Variants in AMPD1 observed in about 807,000 individuals in gnomAD.
AMPD1 encodes the protein AMP deaminase 1.
In AMPD1, 74 loss-of-function variants were observed where a neutral mutation model predicts 82.9. The ratio of observed to expected loss-of-function variants is 0.89; its 90% CI spans 0.74 to 1.08. The LOEUF (loss-of-function observed/expected upper bound fraction) is 1.08, where lower values mean the gene tolerates loss of function less well. Ranked by LOEUF, AMPD1 falls within the 50% of genes least tolerant of loss-of-function variation. AMPD1 has a pLI of 0.00. For missense variants in AMPD1, 881 were observed against 924.5 expected (o/e 0.95, Z 0.61); for synonymous variants, 333 against 320.5 (o/e 1.04, Z -0.42).
chr1:114,674,087 A>C lies in AMPD1; in HGVS notation c.1801-5T>G, dbSNP rs1213180493. 4 of 1,612,480 alleles carry C rather than the reference A, an allele frequency of 2.5e-6. No individual in the cohort carries two copies. In the Admixed American group the frequency reaches 5.0e-5, roughly 20 times the overall value. On this transcript the variant is annotated splice_region_variant and splice_polypyrimidine_tract_variant and intron_variant, in intron 13 of 15. Transcript: ENST00000520113. ...CAAGTACTGTAGCACGGGACTCTGA[A>C]AAAGAAAAGTAAAAAAATATTTAAA...
At chr1:114,673,795 T>C (rs780340801) in intron 14 of AMPD1, 46 bp from the exon 15 acceptor site, 1 of 1,574,274 alleles carries the variant, frequency 6.4e-7, no homozygotes, top group Non-Finnish European at 8.7e-7. Context: ...AATTAATAAA[T>C]AATATGCATC....
intron 9 of AMPD1, 83 bp downstream of exon 9, chr1:114,677,827 T>A: frequency 1.7e-6 from 2 of 1,175,226 alleles, no homozygotes; most frequent in Non-Finnish European, 2.3e-6. Flanking sequence ...CCTTCCTTCC[T>A]TCCTTCCTTC....
chr1:114,692,926 A>G (rs1297919896), intron 2 of AMPD1, among the ~76,000 whole-genome samples: 1 of 151,560 alleles, frequency 6.6e-6, no homozygotes, highest in Non-Finnish European at 1.5e-5. Context: ...TGAGGTCAGG[A>G]GTTCGAGACC....
intron 12 of AMPD1, 110 bp downstream of exon 12, chr1:114,675,420 A>G (rs1253741600): frequency 4.9e-6 from 6 of 1,230,996 alleles, no homozygotes; most frequent in East Asian, 2.3e-5. Context: ...ATTTGGGCCA[A>G]TTGGAACCAT....
chr1:114,683,097 A>G (rs1240877334), intron 5 of AMPD1: 2 of 430,958 alleles, frequency 4.6e-6, no homozygotes, highest in Admixed American at 5.5e-5. Flanking sequence ...TTAAAATCTG[A>G]TTGTTGAAAA....
chr1:114,691,375 TAGTG>T (rs920930301), intron 2 of AMPD1, among the ~76,000 whole-genome samples: 6 of 150,582 alleles, frequency 4.0e-5, no homozygotes, highest in African/African-American at 1.5e-4. Context: ...CTGGGCAACA[TAGTG>T]AGAACCTCAC....
chr1:114,683,343 T>C (rs555563214), intron 5 of AMPD1, among the ~76,000 whole-genome samples: 2 of 152,194 alleles, frequency 1.3e-5, no homozygotes, highest in Admixed American at 1.3e-4. Flanking sequence ...CAGGAAGGTG[T>C]TGAACTATGT....
At chr1:114,680,141 T>C in intron 6 of AMPD1, 118 bp downstream of exon 6, 1 of 942,718 alleles carries the variant, frequency 1.1e-6, no homozygotes, top group Non-Finnish European at 1.7e-6. Context: ...TAATACAGTG[T>C]TTGAACATAG....
intron 8 of AMPD1, 72 bp downstream of exon 8, chr1:114,678,261 G>A: frequency 1.3e-6 from 2 of 1,560,110 alleles, no homozygotes; most frequent in Middle Eastern, 1.8e-4. Flanking sequence ...TCTGAGAAGG[G>A]AGGGCTTGTA....
intron 2 of AMPD1, among the ~76,000 whole-genome samples, chr1:114,691,850 G>A (rs1570855704): frequency 1.3e-5 from 2 of 151,786 alleles, no homozygotes; most frequent in African/African-American, 2.4e-5. Context: ...GCTTGAACTC[G>A]GGAGGTGGAG....
intron 4 of AMPD1, among the ~76,000 whole-genome samples, chr1:114,685,780 A>G (rs145129040): frequency 1.3e-5 from 2 of 152,112 alleles, no homozygotes; most frequent in African/African-American, 4.8e-5. Context: ...ACTCATCTCT[A>G]TTAGGCATTT....
chr1:114,680,389 C>T lies in AMPD1; in HGVS notation c.637G>A (p.Gly213Ser), dbSNP rs373262677. The change falls in exon 6 of 16, where the codon GGT becomes AGT. Residue 213 changes from glycine to serine, a missense_variant. Around this residue, in one of 2 missense-constraint regions of AMPD1, gnomAD observed 783 missense variants for 786.4 expected, o/e 1.00. Transcript: ENST00000520113. Reference protein sequence around the residue: ...NLGYHLKMKDGVVYVYPNEAA... With the variant: ...NLGYHLKMKDSVVYVYPNEAA... ...TCATTAGGATAGACGTAAACTACAC[C>T]GTCCTTCATTTTGAGGTGATAGCCC... 7.2e-5 allele frequency: 117 copies of T among 1,614,138 alleles called. No homozygotes were observed. Among genetic ancestry groups the T allele is most frequent in the Admixed American group, 7.0e-4 (42 of 60,020 alleles).
At chr1:114,686,643 C>G in intron 4 of AMPD1, 102 bp downstream of exon 4, 3 of 1,249,518 alleles carry the variant, frequency 2.4e-6, no homozygotes, top group Non-Finnish European at 3.5e-6. Flanking sequence ...GACAGGTGAG[C>G]TAATACCTCC....
Position 114,692,651 on chromosome 1 carries a change from G to A in AMPD1, c.34+785C>T, listed in dbSNP as rs558984896. Among the ~76,000 whole-genome samples, 4 of 152,052 alleles carry A rather than the reference G, an allele frequency of 2.6e-5. No homozygotes were observed. In the East Asian group the frequency reaches 5.8e-4, roughly 22 times the overall value. On this transcript the variant is annotated intron_variant, in intron 2 of 15. Coordinates refer to ENST00000520113, the MANE Select transcript of AMPD1 (RefSeq NM_000036.3). Reference sequence around the variant, plus strand: ...TGAGCTATCGCACCACTGCACTCCAGCCTGGGCAACACAGCAAGACTCCAT... The same window carrying A: ...TGAGCTATCGCACCACTGCACTCCAACCTGGGCAACACAGCAAGACTCCAT...
At chr1:114,681,648 C>T (rs924885223) in intron 5 of AMPD1, among the ~76,000 whole-genome samples, 1 of 151,654 alleles carries the variant, frequency 6.6e-6, no homozygotes, top group African/African-American at 2.4e-5. Flanking sequence ...CCCCACAGCC[C>T]GTTACCCACA....
chr1:114,681,809 TG>T (rs1352341884), intron 5 of AMPD1, among the ~76,000 whole-genome samples: 1 of 152,172 alleles, frequency 6.6e-6, no homozygotes, highest in African/African-American at 2.4e-5. Context: ...AAATGTATAA[TG>T]ACATGTATCC....
At chr1:114,678,835 C>G (rs1158407119) in intron 7 of AMPD1, among the ~76,000 whole-genome samples, 1 of 152,210 alleles carries the variant, frequency 6.6e-6, no homozygotes, top group African/African-American at 2.4e-5. Context: ...TCCTAAAACA[C>G]AGCTGGAAGT....
Position 114,678,023 on chromosome 1 carries a change from G to T in AMPD1, c.1111C>A (p.Arg371Ser), listed in dbSNP as rs143303551. ...TATTTGTCATTGAACTTATCAAAAC[G>T]CTGGAAGGTCTGGCGTCCCTGAATC... The part of the protein sequence containing the change: ...DVHAGRQTFQ[R>S]FDKFNDKYNP... The change falls in exon 9 of 16, where the codon CGT becomes AGT. Residue 371 changes from arginine to serine, a missense_variant. Transcript: ENST00000520113. 5.1e-5 allele frequency: 83 copies of T among 1,613,902 alleles called. 1 individual carries two copies. The highest frequency in any genetic ancestry group is 4.0e-4 in the East Asian group (18 of 44,876).
rs1345254199 is a variant in AMPD1 at position 114,673,675 on chromosome 1, T to C, written c.2049A>G (p.Ala683=). The stretch of plus-strand genomic sequence containing the variant: ...TTCCACACTGCAAGACACTGTTCCT[T>C]GCCACTTCGCACATATCACAGGTGC... ...KLSTCDMCEV[A]RNSVLQCGIS... The change falls in exon 15 of 16, where the codon GCA becomes GCG. Residue 683 remains alanine, a synonymous_variant. Coordinates refer to ENST00000520113, the MANE Select transcript of AMPD1 (RefSeq NM_000036.3). 1 of 1,614,096 alleles carries C rather than the reference T, an allele frequency of 6.2e-7. No individual in the cohort carries two copies. The highest frequency in any genetic ancestry group is 8.5e-7 in the Non-Finnish European group (1 of 1,179,996).
Sources: allele counts gnomAD v4.1 joint callset (sites outside exome capture counted in the v4.1 genomes callset), GRCh38; gene constraint gnomAD v4.1.1; regional missense constraint gnomAD v4.1.1; transcripts MANE v1.5; gene names NCBI Gene and HGNC (gene_info 2026-07-23, HGNC 2026-07-21).